The following SRP54 variants were observed in gnomAD, a reference collection of about 807,000 sequenced individuals.
SRP54 encodes signal recognition particle 54.
Under a neutral mutation model 64.8 loss-of-function variants are expected in SRP54, and 10 were observed. The ratio of observed to expected loss-of-function variants is 0.15; its 90% CI spans 0.10 to 0.26. SRP54 has a LOEUF of 0.26. Ranked by LOEUF, SRP54 falls within the 10% of genes least tolerant of loss-of-function variation. The pLI, the probability that SRP54 is intolerant of heterozygous loss-of-function variation, is 1.00. For missense variants in SRP54, 325 were observed against 613.7 expected (o/e 0.53, Z 4.97); for synonymous variants, 193 against 185.6 (o/e 1.04, Z -0.32).
At chr14:34,991,127 T>TTTTTTG (rs1555352960) in intron 1 of SRP54, among the ~76,000 whole-genome samples, 1 of 123,190 alleles carries the variant, frequency 8.1e-6, no homozygotes, top group Non-Finnish European at 1.8e-5. Flanking sequence ...TTTTTTTTTT[T>TTTTTTG]TTGTTGTTGT....
Position 35,013,502 on chromosome 14 carries a change from T to TC in SRP54, c.785+9dup. 6.2e-7 allele frequency: 1 copy of TC among 1,613,154 alleles called. No individual in the cohort carries two copies. On this transcript the variant is annotated intron_variant, in intron 9 of 15. Transcript: ENST00000216774. ...AGGTGGTGCACTCAGTGCGTAAGTA[T>TC]CATTGATACTGTTGTCCTCTGTCTT...
intron 5 of SRP54, among the ~76,000 whole-genome samples, chr14:35,007,802 T>C (rs2044291039): frequency 8.7e-6 from 1 of 115,044 alleles, no homozygotes; most frequent in Non-Finnish European, 2.0e-5. Context: ...AATAACATAT[T>C]AAGATATAAA....
intron 7 of SRP54, 119 bp from the exon 8 acceptor site, chr14:35,011,390 A>T (rs2044355449): frequency 1.5e-6 from 1 of 659,546 alleles, no homozygotes; most frequent in Non-Finnish European, 2.4e-6. Context: ...TTCCTCTTCT[A>T]AATTGAAATT....
intron 14 of SRP54, among the ~76,000 whole-genome samples, chr14:35,026,089 C>A (rs900561343): frequency 7.1e-6 from 1 of 139,990 alleles, no homozygotes; most frequent in African/African-American, 2.6e-5. Flanking sequence ...TGAAGCAGTT[C>A]TATTCATTGT....
chr14:35,028,333 A>G, intron 15 of SRP54, 150 bp downstream of exon 15: 3 of 529,502 alleles, frequency 5.7e-6, no homozygotes, highest in Non-Finnish European at 1.0e-5. Flanking sequence ...AGTTGAATTC[A>G]ATTGTAATAG....
intron 5 of SRP54, among the ~76,000 whole-genome samples, chr14:35,007,590 A>G (rs1044539539): frequency 2.7e-5 from 4 of 146,336 alleles, no homozygotes; most frequent in African/African-American, 9.9e-5. Context: ...TATTTATATT[A>G]TAATAAAATA....
chr14:34,983,775 C>T (rs1210214683), intron 1 of SRP54, among the ~76,000 whole-genome samples: 2 of 152,232 alleles, frequency 1.3e-5, no homozygotes, highest in African/African-American at 4.8e-5. Flanking sequence ...AAAATATATA[C>T]TTGTTCTTGG....
intron 11 of SRP54, among the ~76,000 whole-genome samples, chr14:35,015,796 CCTTTA>C (rs2044429006): frequency 6.6e-6 from 1 of 152,144 alleles, no homozygotes. Context: ...GATAATTGTG[CCTTTA>C]CTTTTCTCTT....
Position 34,983,135 on chromosome 14 carries a change from T to C in SRP54, c.-114T>C, listed in dbSNP as rs987954427. 3 of 152,448 alleles carry C rather than the reference T, an allele frequency of 2.0e-5. No homozygotes were observed. Among genetic ancestry groups the C allele is most frequent in the African/African-American group, 7.2e-5 (3 of 41,468 alleles). The allele number at this position is 152,448 out of a possible 1,614,324, so 9.4% of individuals were successfully genotyped here. A position where few individuals can be genotyped will look rare whatever the true frequency, so the allele number is the denominator to read the frequency against. ...ACCTGTCTGTCTGCTCCCAGCTTTCTTGGGTTTCTTCCGACGGCGTGGGGC... is the reference window on the plus strand; with the variant it reads ...ACCTGTCTGTCTGCTCCCAGCTTTCCTGGGTTTCTTCCGACGGCGTGGGGC... On this transcript the variant is annotated 5_prime_UTR_variant, in exon 1 of 16. Coordinates refer to ENST00000216774, the MANE Select transcript of SRP54 (RefSeq NM_003136.4).
intron 2 of SRP54, 139 bp downstream of exon 2, chr14:34,996,926 C>T (rs1478470166): frequency 7.8e-6 from 4 of 511,204 alleles, no homozygotes; most frequent in Admixed American, 3.4e-5. Flanking sequence ...AAAGTGGATA[C>T]AGTAAGTAGT....
chr14:35,010,199 G>T (rs576994230), intron 7 of SRP54, among the ~76,000 whole-genome samples: 1 of 151,646 alleles, frequency 6.6e-6, no homozygotes, highest in South Asian at 2.1e-4. Flanking sequence ...TGTAATCCCC[G>T]TACTTTGGGA....
chr14:34,990,898 G>A (rs1229514611), intron 1 of SRP54, among the ~76,000 whole-genome samples: 2 of 151,900 alleles, frequency 1.3e-5, no homozygotes, highest in Admixed American at 6.6e-5. Flanking sequence ...TATTTTAGTG[G>A]CTTTTAAAGA....
intron 2 of SRP54, among the ~76,000 whole-genome samples, chr14:34,998,973 A>ATGTGTGTG (rs34646567): frequency 6.0e-4 from 38 of 63,698 alleles, no homozygotes; most frequent in East Asian, 3.2e-3. Flanking sequence ...CTTTGTGTGT[A>ATGTGTGTG]TGTGTGTGTG....
intron 14 of SRP54, among the ~76,000 whole-genome samples, chr14:35,024,639 A>G (rs1229348190): frequency 1.4e-5 from 2 of 147,976 alleles, no homozygotes; most frequent in Non-Finnish European, 3.0e-5. Context: ...GCTCATAAAC[A>G]GCTTCCCCTT....
At chr14:35,026,589 A>G (rs1441555287) in intron 14 of SRP54, among the ~76,000 whole-genome samples, 1 of 152,098 alleles carries the variant, frequency 6.6e-6, no homozygotes, top group Admixed American at 6.6e-5. Context: ...TAGTGTAGAA[A>G]TTCCTTGACA....
intron 1 of SRP54, chr14:34,993,270 G>A (rs2044011468): frequency 6.6e-6 from 1 of 152,156 alleles, no homozygotes; most frequent in African/African-American, 2.4e-5. Context: ...CCATGGTGAA[G>A]GATATAAACT....
At chr14:34,990,465 ATTG>A (rs1386311988) in intron 1 of SRP54, among the ~76,000 whole-genome samples, 3 of 152,184 alleles carry the variant, frequency 2.0e-5, no homozygotes, top group Non-Finnish European at 4.4e-5. Flanking sequence ...ATATCATAAA[ATTG>A]TTGTAAGAGT....
intron 14 of SRP54, among the ~76,000 whole-genome samples, chr14:35,024,191 G>A (rs765592753): frequency 1.1e-4 from 17 of 151,902 alleles, no homozygotes; most frequent in Non-Finnish European, 2.2e-4. Context: ...CTACCGCCTG[G>A]CTAATTTTTG....
intron 14 of SRP54, among the ~76,000 whole-genome samples, chr14:35,025,880 G>C (rs2044612526): frequency 6.6e-6 from 1 of 152,060 alleles, no homozygotes. Flanking sequence ...AAGTACCATA[G>C]TTAATGCCCC....
Sources: allele counts gnomAD v4.1 joint callset (sites outside exome capture counted in the v4.1 genomes callset), GRCh38; gene constraint gnomAD v4.1.1; transcripts MANE v1.5; gene names NCBI Gene and HGNC (gene_info 2026-07-23, HGNC 2026-07-21).